The following TFEB variants were observed in gnomAD, a reference collection of about 807,000 sequenced individuals.
The protein encoded by TFEB is T-cell transcription factor EB.
A neutral mutation model predicts 48.0 loss-of-function variants in TFEB; 12 were observed. The ratio of observed to expected loss-of-function variants is 0.25; its 90% CI spans 0.16 to 0.40. The LOEUF is 0.40. Ranked by LOEUF, TFEB falls within the 10% of genes least tolerant of loss-of-function variation. The probability of loss-of-function intolerance (pLI) is 1.00; values close to 1 mark genes in which losing one functional copy is unlikely to be tolerated. For synonymous variants in TFEB, 244 were observed against 261.4 expected (o/e 0.93, Z 0.64); for missense variants, 509 against 640.3 (o/e 0.79, Z 2.21).
intron 1 of TFEB, among the ~76,000 whole-genome samples, chr6:41,709,334 T>C (rs1770378704): frequency 6.6e-6 from 1 of 152,236 alleles, no homozygotes. Flanking sequence ...AGTATCCTCA[T>C]GTGTAAAATT....
At chr6:41,688,846 C>T (rs1253925047) in intron 4 of TFEB, among the ~76,000 whole-genome samples, 1 of 152,214 alleles carries the variant, frequency 6.6e-6, no homozygotes, top group Non-Finnish European at 1.5e-5. Flanking sequence ...CTCCCCACCA[C>T]AGGAACTGGG....
Position 41,723,721 on chromosome 6 carries a change from C to G in TFEB, c.-23+11629G>C. 5.2e-6 allele frequency: 2 copies of G among 386,358 alleles called. No homozygotes were observed. Among genetic ancestry groups the G allele is most frequent in the South Asian group, 4.0e-5 (2 of 49,624 alleles). The allele number at this position is 386,358 out of a possible 1,614,324, so 23.9% of individuals were successfully genotyped here. A position where few individuals can be genotyped will look rare whatever the true frequency, so the allele number is the denominator to read the frequency against. ...GGCACAGTCCCACACCGCAGCCTAC[C>G]CAACACAGACTGCTTCAATCTCACC... On this transcript the variant is annotated intron_variant, in intron 1 of 8. Transcript: ENST00000373033. This position sits in a 1 kb window ranked among gnomAD's most constrained non-coding sequence, Gnocchi z 6.0.
intron 3 of TFEB, 113 bp downstream of exon 3, chr6:41,690,550 C>T: frequency 7.8e-7 from 1 of 1,290,008 alleles, no homozygotes; most frequent in Non-Finnish European, 1.0e-6. Flanking sequence ...CCACCTCAGA[C>T]TGAGTCTCCC....
At chr6:41,733,773 A>G in intron 1 of TFEB, 13 of 985,040 alleles carry the variant, frequency 1.3e-5, no homozygotes, top group Non-Finnish European at 1.6e-5. Context: ...CCGGACAGTG[A>G]GCTCCCTGAG....
At chr6:41,693,459 C>G (rs933487964) in intron 1 of TFEB, among the ~76,000 whole-genome samples, 1 of 152,112 alleles carries the variant, frequency 6.6e-6, no homozygotes, top group Non-Finnish European at 1.5e-5. Context: ...AGCTGGAACC[C>G]AGCCCCAGGC....
At chr6:41,698,932 C>T (rs1581894835) in intron 1 of TFEB, among the ~76,000 whole-genome samples, 2 of 152,168 alleles carry the variant, frequency 1.3e-5, no homozygotes, top group African/African-American at 2.4e-5. Context: ...TTCCACATTA[C>T]GGAGGTGGTC....
In TFEB at chr6:41,689,674, G is replaced by A. The variant is rs577240353; in HGVS notation, c.549+57C>T. ...CACTCTCTCCAGGCTCAGAGCCACA[G>A]TGGGTGCCCCCCTCCCTAGAACCCT... is the stretch of plus-strand genomic sequence containing the variant. On this transcript the variant is annotated intron_variant, in intron 4 of 8. Transcript: ENST00000373033. 1.0e-4 allele frequency: 148 copies of A among 1,410,270 alleles called. 2 individuals are homozygous for A. The highest frequency in any genetic ancestry group is 6.6e-4 in the South Asian group (57 of 85,802). The allele number at this position is 1,410,270 out of a possible 1,614,324, so 87.4% of individuals were successfully genotyped here.
At chr6:41,687,369 A>G (rs1769065930) in intron 6 of TFEB, among the ~76,000 whole-genome samples, 200 bp from the exon 7 acceptor site, 1 of 152,228 alleles carries the variant, frequency 6.6e-6, no homozygotes, top group Non-Finnish European at 1.5e-5. Flanking sequence ...GACACAATTA[A>G]GAGCACTGAA....
chr6:41,690,671 C>A lies in TFEB; in HGVS notation c.460G>T (p.Glu154Ter). The A allele has an allele frequency of 6.6e-7, 1 of 1,522,210 alleles. No homozygotes were observed. Among genetic ancestry groups the A allele is most frequent in the Non-Finnish European group, 8.8e-7 (1 of 1,130,208 alleles). 94.3% of individuals were successfully genotyped at this position (1,522,210 alleles called of 1,614,324 possible). A position where few individuals can be genotyped will look rare whatever the true frequency, so the allele number is the denominator to read the frequency against. The change falls in exon 3 of 9, where the codon GAG (glutamate) becomes TAG (stop). Residue 154 changes from glutamate (E) to a stop codon, truncating the protein, a stop_gained. Transcript: ENST00000373033. LOFTEE classifies it high-confidence loss of function. ...MAMLHIGSNP[E>*]RELDDVIDNI... ...GCCAGCTCCTCACTCACCTCCCTCTCAGGGTTGGAGCCAATGTGCAGCATG... is the reference window on the plus strand; with the variant it reads ...GCCAGCTCCTCACTCACCTCCCTCTAAGGGTTGGAGCCAATGTGCAGCATG...
chr6:41,685,135 AC>A (rs1262939886), intron 8 of TFEB, 57 bp from the exon 9 acceptor site: 3 of 1,359,780 alleles, frequency 2.2e-6, no homozygotes, highest in Admixed American at 3.7e-5. Context: ...AGCCACCAGG[AC>A]CCCTCCCCTG....
At chr6:41,705,301 G>T (rs1345986186) in intron 1 of TFEB, among the ~76,000 whole-genome samples, 3 of 152,126 alleles carry the variant, frequency 2.0e-5, no homozygotes, top group African/African-American at 7.2e-5. Context: ...TCTGAACAAT[G>T]AGAAACCTAC....
chr6:41,718,990 GAGT>G (rs1216543499), intron 1 of TFEB, among the ~76,000 whole-genome samples: 3 of 152,200 alleles, frequency 2.0e-5, no homozygotes, highest in Non-Finnish European at 4.4e-5. Context: ...AGCAGGAGGT[GAGT>G]GGTGGGCAGG....
At chr6:41,733,764 C>G in intron 1 of TFEB, 1 of 984,988 alleles carries the variant, frequency 1.0e-6, no homozygotes, top group East Asian at 1.1e-4. Context: ...TGTCCCTCCC[C>G]GGACAGTGAG....
Position 41,724,811 on chromosome 6 carries a change from C to T in TFEB, c.-23+10539G>A, listed in dbSNP as rs1771137264. 6.6e-6 allele frequency among the ~76,000 whole-genome samples: 1 copy of T among 152,184 alleles called. No homozygotes were observed. Among genetic ancestry groups the T allele is most frequent in the Non-Finnish European group, 1.5e-5 (1 of 68,018 alleles). ...ATCAAAAGGCTGGGGCCCGCAGGGA[C>T]TGTGGGGGAAGCGCCTCACAGCCCC... On this transcript the variant is annotated intron_variant, in intron 1 of 8. Transcript: ENST00000373033. This position sits in a 1 kb window ranked among gnomAD's most constrained non-coding sequence, Gnocchi z 4.4.
Position 41,691,164 on chromosome 6 carries a change from T to C in TFEB, c.50A>G (p.Gln17Arg). The C allele has an allele frequency of 3.8e-6, 6 of 1,590,636 alleles. No individual in the cohort carries two copies. The highest frequency in any genetic ancestry group is 5.1e-6 in the Non-Finnish European group (6 of 1,166,744). Residue 17 changes from glutamine to arginine, a missense_variant, in exon 2 of 9, where the codon CAG becomes CGG. Physicochemically the swap from Gln to Arg is conservative, Grantham distance 43. This residue lies in a region of TFEB where 251 missense variants were observed against 317.2 expected (regional missense o/e 0.79). Transcript: ENST00000373033. The surrounding 1 kb of genome is among the most constrained non-coding windows in gnomAD (Gnocchi z 5.2). ...CATGCGCTCCCGCTGCTCCTCCTGC[T>C]GCGCCTGCTCCCGCATGAGCTGCAT... is the stretch of plus-strand genomic sequence containing the variant. The part of the protein sequence containing the change: ...LRMQLMREQA[Q>R]QEEQRERMQQ...
At chr6:41,688,983 C>T (rs1179386270) in intron 4 of TFEB, among the ~76,000 whole-genome samples, 1 of 152,214 alleles carries the variant, frequency 6.6e-6, no homozygotes, top group Non-Finnish European at 1.5e-5. Flanking sequence ...CTGGCAATCC[C>T]ACCTGCCCAG....
chr6:41,702,310 T>C (rs1380180700), intron 1 of TFEB, among the ~76,000 whole-genome samples: 1 of 152,128 alleles, frequency 6.6e-6, no homozygotes, highest in Non-Finnish European at 1.5e-5. Context: ...GCTGAGACGG[T>C]TAGCCCGCCT....
intron 3 of TFEB, among the ~76,000 whole-genome samples, chr6:41,690,437 A>C (rs1769240098): frequency 6.6e-6 from 1 of 152,214 alleles, no homozygotes; most frequent in African/African-American, 2.4e-5. Context: ...ACTTCCTAGC[A>C]GAGCTTTTGA....
At position 41,730,686 on chromosome 6, in the gene TFEB, C is replaced by T. The variant is rs1257814205; in HGVS notation, c.-23+4664G>A. 2.6e-5 allele frequency among the ~76,000 whole-genome samples: 4 copies of T among 152,228 alleles called. No homozygotes were observed. The highest frequency in any genetic ancestry group is 9.7e-5 in the African/African-American group (4 of 41,446). ...GGCATGATAAGTCCCAGATCCTACC[C>T]TATCACTGCGATTTTATCTCTGTCC... On this transcript the variant is annotated intron_variant, in intron 1 of 8. Coordinates refer to ENST00000373033, the MANE Select transcript of TFEB (RefSeq NM_001271944.2). This position sits in a 1 kb window ranked among gnomAD's most constrained non-coding sequence, Gnocchi z 4.1.
Sources: gnomAD v4.1 joint callset for allele counts (sites outside exome capture counted in the v4.1 genomes callset) on GRCh38, gnomAD v4.1.1 for gene constraint, gnomAD v4.1.1 regional missense constraint, Gnocchi (gnomAD v3.1) non-coding constraint, MANE v1.5 for transcripts, NCBI Gene and HGNC (gene_info 2026-07-23, HGNC 2026-07-21) for gene names.